KDM2B: variants seen among roughly 807,000 people sequenced by gnomAD.
KDM2B encodes lysine demethylase 2B.
Under a neutral mutation model 150.0 loss-of-function variants are expected in KDM2B, and 26 were observed. The ratio of observed to expected loss-of-function variants is 0.17; its 90% CI spans 0.13 to 0.24. The LOEUF (loss-of-function observed/expected upper bound fraction) is 0.24. Ranked by LOEUF, KDM2B falls within the 10% of genes least tolerant of loss-of-function variation. The probability of loss-of-function intolerance (pLI) is 1.00; values close to 1 mark genes in which losing one functional copy is unlikely to be tolerated. For synonymous variants in KDM2B, 734 were observed against 729.5 expected, an observed-to-expected ratio of 1.01 and a Z score of -0.10; for missense variants, 1,265 against 1,816.9, an observed-to-expected ratio of 0.70 and a Z score of 5.52.
In KDM2B at chr12:121,430,126, C is replaced by A. The variant is rs1872767101; in HGVS notation, c.*162G>T. 1 of 1,613,590 alleles carries A rather than the reference C, an allele frequency of 6.2e-7. No homozygotes were observed. On this transcript the variant is annotated 3_prime_UTR_variant, in exon 23 of 23. Coordinates refer to ENST00000377071, the MANE Select transcript of KDM2B (RefSeq NM_032590.5). This position sits in a 1 kb window ranked among gnomAD's most constrained non-coding sequence, Gnocchi z 4.4. ...AAGGAAAGTGTCGGCTCACTCATCC[C>A]CCAAACGGGTGGTTGAACAGCTTCT...
intron 7 of KDM2B, 81 bp downstream of exon 7, chr12:121,534,416 G>GAC: frequency 2.1e-6 from 2 of 970,748 alleles, no homozygotes; most frequent in Admixed American, 3.5e-5. Flanking sequence ...AGGGAGGTGG[G>GAC]AGGAGAGGGA....
At chr12:121,428,253 C>T (rs781753022), downstream of KDM2B, among the ~76,000 whole-genome samples, 9 of 151,778 alleles carry the variant, frequency 5.9e-5, no homozygotes, top group Non-Finnish European at 1.0e-4. Context: ...AGTATAATGG[C>T]GCAATCTCAG....
In KDM2B at chr12:121,487,424, C is replaced by T. The variant is rs554658995; in HGVS notation, c.1734+7155G>A. Among the ~76,000 whole-genome samples the T allele has an allele frequency of 3.2e-4, 48 of 152,244 alleles. 1 individual carries two copies. The highest frequency in any genetic ancestry group is 1.0e-3 in the African/African-American group (43 of 41,548). The stretch of plus-strand genomic sequence containing the variant: ...GATCGGAGGCCCAGGTTTCTCTTCG[C>T]GTGGTTCCCCTCACCAACCCTCCAA... On this transcript the variant is annotated intron_variant, in intron 12 of 22. Coordinates refer to ENST00000377071, the MANE Select transcript of KDM2B (RefSeq NM_032590.5).
intron 11 of KDM2B, among the ~76,000 whole-genome samples, chr12:121,508,273 G>A (rs1022644744): frequency 6.6e-6 from 1 of 152,038 alleles, no homozygotes; most frequent in Non-Finnish European, 1.5e-5. Flanking sequence ...TTTTTGTAGA[G>A]ATGGGGTCTC....
At position 121,477,791 on chromosome 12, in the gene KDM2B, T is replaced by C. The variant is rs1555297046; in HGVS notation, c.1734+16788A>G. ...CAAAGTTTCACCATGTTGGCCAGGCTGGTCTCAAACTCTTGACCTCGGGTG... is the reference window on the plus strand; with the variant it reads ...CAAAGTTTCACCATGTTGGCCAGGCCGGTCTCAAACTCTTGACCTCGGGTG... On this transcript the variant is annotated intron_variant, in intron 12 of 22. Coordinates refer to ENST00000377071, the MANE Select transcript of KDM2B (RefSeq NM_032590.5). Among the ~76,000 whole-genome samples, 5 of 152,282 alleles carry C rather than the reference T, an allele frequency of 3.3e-5. No individual in the cohort carries two copies. The South Asian group carries it at 1.0e-3, about 32-fold the overall frequency.
intron 15 of KDM2B, 43 bp downstream of exon 15, chr12:121,444,407 C>T (rs782809125): frequency 6.2e-7 from 1 of 1,609,384 alleles, no homozygotes. Flanking sequence ...CCCAGGCCCG[C>T]CCCTCTCCCG....
intron 4 of KDM2B, among the ~76,000 whole-genome samples, chr12:121,564,891 T>A (rs566170190): frequency 6.6e-6 from 1 of 152,208 alleles, no homozygotes; most frequent in South Asian, 2.1e-4. Flanking sequence ...TACAGTGGCA[T>A]GATCTTGGCT....
At chr12:121,565,561 C>A (rs770729431) in intron 4 of KDM2B, among the ~76,000 whole-genome samples, 9 of 152,276 alleles carry the variant, frequency 5.9e-5, no homozygotes, top group Non-Finnish European at 1.0e-4. Context: ...AGGTGATCTG[C>A]CCACCTTGGC....
rs955632792 is a variant in KDM2B, at chr12:121,580,954, C to T, written c.-43G>A. 3.7e-6 allele frequency: 6 copies of T among 1,607,002 alleles called. No homozygotes were observed. Among genetic ancestry groups the T allele is most frequent in the Non-Finnish European group, 1.7e-6 (2 of 1,177,204 alleles). The stretch of plus-strand genomic sequence containing the variant: ...GGGGCTCAGAAGGAAATTAGCTCGG[C>T]TTCCATACCTATAAGGACTGCCTAA... On this transcript the variant is annotated 5_prime_UTR_variant, in exon 1 of 23. Coordinates refer to ENST00000377071, the MANE Select transcript of KDM2B (RefSeq NM_032590.5).
rs1208735314 is a variant in KDM2B, at chr12:121,467,417, C to A, written c.1735-14073G>T. On this transcript the variant is annotated intron_variant, in intron 12 of 22. Transcript: ENST00000377071. The surrounding 1 kb of genome is among the most constrained non-coding windows in gnomAD (Gnocchi z 5.1). ...AGGGGCCGGCGGGGGAGGGCCGGGG[C>A]GCCATGCATATGCATGAGGCGAGCC... 4 of 902,278 alleles carry A rather than the reference C, an allele frequency of 4.4e-6. No individual in the cohort carries two copies. The highest frequency in any genetic ancestry group is 5.3e-6 in the Non-Finnish European group (4 of 756,884). The allele number at this position is 902,278 out of a possible 1,614,324, so 55.9% of individuals were successfully genotyped here. A position where few individuals can be genotyped will look rare whatever the true frequency, so the allele number is the denominator to read the frequency against.
At chr12:121,545,295 C>T (rs183539707) in intron 6 of KDM2B, among the ~76,000 whole-genome samples, 2 of 152,164 alleles carry the variant, frequency 1.3e-5, no homozygotes, top group East Asian at 1.9e-4. Flanking sequence ...TGACCACTGA[C>T]GGGGTCCGTA....
At chr12:121,567,467 G>A (rs77777229) in intron 4 of KDM2B, among the ~76,000 whole-genome samples, 3,149 of 152,230 alleles carry the variant, frequency 0.021, 114 homozygotes, top group African/African-American at 0.072. Context: ...GCAGCACTTC[G>A]CGATGGCGAG....
chr12:121,525,435 G>A (rs1887048034), intron 8 of KDM2B, among the ~76,000 whole-genome samples: 1 of 151,984 alleles, frequency 6.6e-6, no homozygotes, highest in Non-Finnish European at 1.5e-5. Flanking sequence ...CTAGAGATGA[G>A]GTTTTACCAT....
chr12:121,414,234 C>T, the KDM2B span, among the ~76,000 whole-genome samples: 14 of 152,204 alleles, frequency 9.2e-5, no homozygotes, highest in African/African-American at 3.1e-4. Context: ...GCCATTTTAA[C>T]TAATACCTCA....
chr12:121,435,784 TG>T (rs1873880606), intron 22 of KDM2B, among the ~76,000 whole-genome samples: 1 of 152,150 alleles, frequency 6.6e-6, no homozygotes, highest in Admixed American at 6.5e-5. Context: ...CTGGCAATCC[TG>T]ACCAGCTTAA....
At chr12:121,509,231 CT>C (rs797036746) in intron 11 of KDM2B, among the ~76,000 whole-genome samples, 1,476 of 144,372 alleles carry the variant, frequency 0.01, 8 homozygotes, top group African/African-American at 0.025. Flanking sequence ...GCTAATTTTC[CT>C]TTTTTTTTTT....
At chr12:121,421,702 A>G in the KDM2B span, among the ~76,000 whole-genome samples, 1 of 152,156 alleles carries the variant, frequency 6.6e-6, no homozygotes, top group Non-Finnish European at 1.5e-5. Context: ...AAAAAAATAT[A>G]TATGTACTTA....
rs1462093989 is a variant in KDM2B at position 121,546,247 on chromosome 12, C to T, written c.683+2630G>A. Among the ~76,000 whole-genome samples the T allele has an allele frequency of 2.6e-5, 4 of 152,144 alleles. No individual in the cohort carries two copies. In the East Asian group the frequency reaches 7.7e-4, roughly 29 times the overall value. ...CTGAATGAATGAATGAATCAATCAA[C>T]CAATCAATGAACCATCATCTCAATC... On this transcript the variant is annotated intron_variant, in intron 6 of 22. Coordinates refer to ENST00000377071, the MANE Select transcript of KDM2B (RefSeq NM_032590.5).
At chr12:121,445,675 T>C (rs1208773046) in intron 13 of KDM2B, among the ~76,000 whole-genome samples, 1 of 152,154 alleles carries the variant, frequency 6.6e-6, no homozygotes, top group Non-Finnish European at 1.5e-5. Context: ...AGAGCTTACA[T>C]TTTAGTGGAG....
Sources: allele counts gnomAD v4.1 joint callset (sites outside exome capture counted in the v4.1 genomes callset), GRCh38; gene constraint gnomAD v4.1.1; non-coding constraint Gnocchi (gnomAD v3.1); transcripts MANE v1.5; gene names NCBI Gene and HGNC (gene_info 2026-07-23, HGNC 2026-07-21).